ABITRAM: variants seen among roughly 807,000 people sequenced by gnomAD.
ABITRAM encodes the protein actin binding transcription modulator, also known as protein Abitram.
Under a neutral mutation model 22.9 loss-of-function variants are expected in ABITRAM, and 19 were observed. The ratio of observed to expected loss-of-function variants is 0.83; its 90% CI spans 0.58 to 1.22. The LOEUF (loss-of-function observed/expected upper bound fraction) is 1.22. ABITRAM is among the 50% of genes most tolerant of loss of function. The probability of loss-of-function intolerance (pLI) is 0.00; values close to 1 mark genes in which losing one functional copy is unlikely to be tolerated. For synonymous variants in ABITRAM, 70 were observed against 73.9 expected, an observed-to-expected ratio of 0.95 and a Z score of 0.27; for missense variants, 215 against 220.2, an observed-to-expected ratio of 0.98 and a Z score of 0.15.
At position 108,936,388 on chromosome 9, in the gene ABITRAM, G is replaced by T. The variant is rs1830188136; in HGVS notation, c.212G>T (p.Ser71Ile). The change falls in exon 3 of 6, where the codon AGT becomes ATT. Residue 71 changes from serine to isoleucine, a missense_variant. Coordinates refer to ENST00000322940, the MANE Select transcript of ABITRAM (RefSeq NM_017832.4). ...ATTAAAAGCATTTCCTATCAGATCA[G>T]TACCAACTGTAGCAGACTTCAGAAC... Reference protein sequence around the residue: ...KTIKSISYQISTNCSRLQNKV... With the variant: ...KTIKSISYQIITNCSRLQNKV... 6.2e-7 allele frequency: 1 copy of T among 1,613,904 alleles called. No individual in the cohort carries two copies. Among genetic ancestry groups the T allele is most frequent in the African/African-American group, 1.3e-5 (1 of 74,942 alleles).
downstream of ABITRAM, chr9:108,943,849 G>T (rs372722408): frequency 1.2e-6 from 2 of 1,605,050 alleles, no homozygotes; most frequent in Non-Finnish European, 1.7e-6. Flanking sequence ...ATAACAGCCC[G>T]CAACAAAACT....
chr9:108,939,097 C>G, intron 3 of ABITRAM, 99 bp from the exon 4 acceptor site: 1 of 921,876 alleles, frequency 1.1e-6, no homozygotes, highest in Non-Finnish European at 1.7e-6. Flanking sequence ...TTTAAAACAC[C>G]AGTTCCAGGA....
At chr9:108,935,298 A>G (rs1045708887) in intron 1 of ABITRAM, among the ~76,000 whole-genome samples, 5 of 152,188 alleles carry the variant, frequency 3.3e-5, no homozygotes, top group African/African-American at 1.2e-4. Context: ...AGTCCTGGAA[A>G]CCACCAACAA....
intron 3 of ABITRAM, among the ~76,000 whole-genome samples, chr9:108,938,440 A>T (rs951398470): frequency 6.6e-6 from 1 of 152,228 alleles, no homozygotes; most frequent in South Asian, 2.1e-4. Context: ...ACTGGCTCTC[A>T]TGAGCCTCCC....
intron 3 of ABITRAM, among the ~76,000 whole-genome samples, chr9:108,946,072 G>C (rs1053332013): frequency 3.3e-5 from 5 of 151,898 alleles, no homozygotes; most frequent in African/African-American, 1.2e-4. Context: ...AGGCTGAGGC[G>C]GGCGAATCAC....
intron 5 of ABITRAM, 46 bp from the exon 6 acceptor site, chr9:108,939,503 T>G (rs759776481): frequency 3.1e-6 from 5 of 1,595,894 alleles, no homozygotes; most frequent in East Asian, 2.2e-5. Flanking sequence ...CTTTTATTGG[T>G]TTTTTTTTCA....
chr9:108,935,466 CT>C (rs1208393414), intron 1 of ABITRAM, among the ~76,000 whole-genome samples, 171 bp from the exon 2 acceptor site: 8 of 152,168 alleles, frequency 5.3e-5, no homozygotes, highest in South Asian at 4.1e-4. Flanking sequence ...TCTTTAAATA[CT>C]TTCTAGGAAA....
chr9:108,935,391 A>G (rs1830166155), intron 1 of ABITRAM, among the ~76,000 whole-genome samples: 1 of 152,212 alleles, frequency 6.6e-6, no homozygotes, highest in Admixed American at 6.5e-5. Context: ...AGTGAGTGTA[A>G]AGTAAGATGG....
intron 2 of ABITRAM, 31 bp downstream of exon 2, chr9:108,935,720 A>T: frequency 1.3e-6 from 2 of 1,584,094 alleles, no homozygotes; most frequent in Non-Finnish European, 1.7e-6. Flanking sequence ...AAATTATCAA[A>T]AATTTTTTTT....
Position 108,937,054 on chromosome 9 carries a change from G to A in ABITRAM, c.261+617G>A, listed in dbSNP as rs1830198119. Among the ~76,000 whole-genome samples, 4 of 152,270 alleles carry A rather than the reference G, an allele frequency of 2.6e-5. 1 individual carries two copies. The South Asian group carries it at 8.3e-4, about 32-fold the overall frequency. On this transcript the variant is annotated intron_variant, in intron 3 of 5. Transcript: ENST00000322940. ...GGGCACCTGTAATCCCAGCCACTCG[G>A]GAGGCTGAGGCAGGAGAATGGCTTG...
chr9:108,936,543 T>C (rs1830189477), intron 3 of ABITRAM, 106 bp downstream of exon 3: 5 of 1,279,366 alleles, frequency 3.9e-6, no homozygotes, highest in African/African-American at 1.5e-5. Context: ...AGCATACTTC[T>C]CTAGCAGTTT....
downstream of ABITRAM, among the ~76,000 whole-genome samples, chr9:108,945,086 A>T (rs1830361741): frequency 6.6e-6 from 1 of 152,174 alleles, no homozygotes; most frequent in Admixed American, 6.5e-5. Context: ...TCTGTCTCAT[A>T]CAGTATGATG....
At chr9:108,935,798 CATTA>C in intron 2 of ABITRAM, 109 bp downstream of exon 2, 3 of 699,972 alleles carry the variant, frequency 4.3e-6, no homozygotes, top group South Asian at 1.7e-5. Context: ...AACAAACATG[CATTA>C]ATTATCTTCT....
rs1830139349 is a variant in ABITRAM at position 108,934,575 on chromosome 9, G to A, written c.79+10G>A. The A allele has an allele frequency of 6.3e-7, 1 of 1,598,418 alleles. No homozygotes were observed. The highest frequency in any genetic ancestry group is 8.5e-7 in the Non-Finnish European group (1 of 1,173,640). ...CGCTGGTACAAACCGGGTAAGTGCG[G>A]AGTGATGTTGATCCCTCCTTGGCCG... On this transcript the variant is annotated intron_variant, in intron 1 of 5. Transcript: ENST00000322940.
intron 3 of ABITRAM, chr9:108,950,447 A>C: frequency 6.6e-7 from 1 of 1,522,566 alleles, no homozygotes; most frequent in Non-Finnish European, 8.8e-7. Flanking sequence ...GGTACTGACA[A>C]ATGACAGCTA....
intron 3 of ABITRAM, among the ~76,000 whole-genome samples, 196 bp from the exon 4 acceptor site, chr9:108,939,000 C>T (rs1440813082): frequency 6.6e-6 from 1 of 152,062 alleles, no homozygotes; most frequent in East Asian, 1.9e-4. Context: ...TTCCCTAGAC[C>T]TAGGATGGCA....
downstream of ABITRAM, among the ~76,000 whole-genome samples, chr9:108,944,242 G>A (rs1830332006): frequency 6.6e-6 from 1 of 152,118 alleles, no homozygotes; most frequent in Non-Finnish European, 1.5e-5. Flanking sequence ...CCCTGGAGAG[G>A]CTTCTCTACA....
At chr9:108,950,601 T>C in exon 4 of ABITRAM, 3 of 1,549,778 alleles carry the variant, frequency 1.9e-6, no homozygotes, top group Non-Finnish European at 2.6e-6. Context: ...TAATCCTCCT[T>C]CTATAGGAAG....
At chr9:108,939,522 C>T (rs1830230997) in intron 5 of ABITRAM, 27 bp from the exon 6 acceptor site, 1 of 1,607,882 alleles carries the variant, frequency 6.2e-7, no homozygotes, top group African/African-American at 1.3e-5. Context: ...CATCGTTTGA[C>T]AGTACTAAAT....
Sources: allele counts gnomAD v4.1 joint callset (sites outside exome capture counted in the v4.1 genomes callset), GRCh38; gene constraint gnomAD v4.1.1; transcripts MANE v1.5; gene names NCBI Gene and HGNC (gene_info 2026-07-23, HGNC 2026-07-21).